Variants in RAD51B observed in about 807,000 individuals in gnomAD.
The protein encoded by RAD51B is DNA repair protein RAD51 homolog 2.
A neutral mutation model predicts 42.2 loss-of-function variants in RAD51B; 38 were observed. The ratio of observed to expected loss-of-function variants is 0.90; its 90% CI spans 0.70 to 1.18. The LOEUF (loss-of-function observed/expected upper bound fraction) is 1.18. RAD51B is among the 50% of genes most tolerant of loss of function. RAD51B has a pLI of 0.00. For missense variants in RAD51B, 373 were observed against 400.7 expected, an observed-to-expected ratio of 0.93 and a Z score of 0.59; for synonymous variants, 154 against 145.2, an observed-to-expected ratio of 1.06 and a Z score of -0.43.
At chr14:68,233,483 A>G (rs905025424) in intron 7 of RAD51B, among the ~76,000 whole-genome samples, 3 of 152,210 alleles carry the variant, frequency 2.0e-5, no homozygotes, top group African/African-American at 4.8e-5. Context: ...TGCTTTTATA[A>G]TAATTTAGTC....
At chr14:68,285,196 G>A (rs72727431) in intron 7 of RAD51B, among the ~76,000 whole-genome samples, 153 of 152,202 alleles carry the variant, frequency 1.0e-3, no homozygotes, top group Non-Finnish European at 2.0e-3. Context: ...GGAAAGTTCC[G>A]GTCTCTGTCT....
At chr14:67,859,417 A>G (rs1595015166) in intron 4 of RAD51B, among the ~76,000 whole-genome samples, 1 of 152,268 alleles carries the variant, frequency 6.6e-6, no homozygotes, top group East Asian at 1.9e-4. Context: ...GTAAAAATCA[A>G]CAACAATCTA....
intron 7 of RAD51B, among the ~76,000 whole-genome samples, chr14:68,272,661 ATATATTTTTTTTTTTTTTTTTT>A (rs2081138182): frequency 2.4e-4 from 4 of 16,874 alleles, no homozygotes; most frequent in African/African-American, 8.1e-4. Flanking sequence ...ATATATATAT[ATATATTTTTTTTTTTTTTTTTT>A]TTTTTTTTTT....
intron 8 of RAD51B, among the ~76,000 whole-genome samples, chr14:68,327,096 G>A (rs2082265592): frequency 6.6e-6 from 1 of 152,288 alleles, no homozygotes; most frequent in Middle Eastern, 3.4e-3. Context: ...ATCTAGAGGG[G>A]CACACAGGAA....
chr14:68,439,227 G>A (rs1388015137), intron 9 of RAD51B, among the ~76,000 whole-genome samples: 1 of 151,842 alleles, frequency 6.6e-6, no homozygotes, highest in Admixed American at 6.6e-5. Flanking sequence ...TTCCAGTGGT[G>A]TCCCAGGCAG....
intron 8 of RAD51B, among the ~76,000 whole-genome samples, chr14:68,299,152 C>A (rs565381347): frequency 2.0e-4 from 31 of 152,020 alleles, no homozygotes; most frequent in Admixed American, 1.1e-3. Flanking sequence ...AACCTTTATT[C>A]CATTTTCTCA....
At position 68,115,820 on chromosome 14, in the gene RAD51B, C is replaced by T. The variant is rs1010745104; in HGVS notation, c.757-176064C>T. ...AAAGTGGTTTCTTTGTCTTTACAGA[C>T]TAGCTCTGTGCATCACAGAGTGGGG... On this transcript the variant is annotated intron_variant, in intron 7 of 10. Coordinates refer to ENST00000471583, the MANE Select transcript of RAD51B (RefSeq NM_133510.4). Among the ~76,000 whole-genome samples, 3 of 152,148 alleles carry T rather than the reference C, an allele frequency of 2.0e-5. No individual in the cohort carries two copies. In the South Asian group the frequency reaches 6.2e-4, roughly 32 times the overall value.
In RAD51B at chr14:68,349,958, T is replaced by C. The variant is rs1245392913; in HGVS notation, c.853+57978T>C. 2.6e-5 allele frequency among the ~76,000 whole-genome samples: 4 copies of C among 152,184 alleles called. No homozygotes were observed. In the East Asian group the frequency reaches 7.7e-4, roughly 29 times the overall value. On this transcript the variant is annotated intron_variant, in intron 8 of 10. Transcript: ENST00000471583. ...CTTGTGTGTATTCTGCAGTTCAAAG[T>C]GTAGTCAGCAAAAAAAGCATACACG...
At chr14:68,325,392 A>C (rs916469452) in intron 8 of RAD51B, among the ~76,000 whole-genome samples, 6 of 152,206 alleles carry the variant, frequency 3.9e-5, no homozygotes, top group Non-Finnish European at 7.3e-5. Context: ...ATTTTTGTGA[A>C]GTCTGAACTG....
intron 10 of RAD51B, among the ~76,000 whole-genome samples, chr14:68,616,797 T>C (rs1891835785): frequency 6.6e-6 from 1 of 152,134 alleles, no homozygotes; most frequent in Admixed American, 6.6e-5. Flanking sequence ...GTTTTTGAAG[T>C]CTTCTTCCTC....
intron 7 of RAD51B, among the ~76,000 whole-genome samples, chr14:68,087,428 G>C (rs964629148): frequency 7.9e-5 from 12 of 152,046 alleles, no homozygotes; most frequent in African/African-American, 2.9e-4. Flanking sequence ...TTCCCATTAT[G>C]ATTCATCATG....
At chr14:68,434,335 C>T (rs928792465) in intron 9 of RAD51B, among the ~76,000 whole-genome samples, 5 of 152,166 alleles carry the variant, frequency 3.3e-5, no homozygotes, top group Non-Finnish European at 5.9e-5. Flanking sequence ...TGTCCTGCCC[C>T]CCAGAGGTGG....
intron 8 of RAD51B, among the ~76,000 whole-genome samples, chr14:68,301,592 G>GTTTTTTTTTTTTTTTTTTTT (rs139865933): frequency 4.6e-5 from 5 of 109,776 alleles, no homozygotes; most frequent in African/African-American, 1.7e-4. Context: ...TTGTTTGTGT[G>GTTTTTTTTTTTTTTTTTTTT]TTTTTTTTTT....
At chr14:68,031,111 T>G (rs2140370145) in intron 7 of RAD51B, among the ~76,000 whole-genome samples, 1 of 152,330 alleles carries the variant, frequency 6.6e-6, no homozygotes, top group East Asian at 1.9e-4. Flanking sequence ...CTGGGCAGTT[T>G]ACAAAAGAAA....
At chr14:68,111,387 A>G (rs1026325104) in intron 7 of RAD51B, among the ~76,000 whole-genome samples, 1 of 152,054 alleles carries the variant, frequency 6.6e-6, no homozygotes, top group African/African-American at 2.4e-5. Flanking sequence ...GCCAGGAATA[A>G]GTTTTCAGAA....
intron 10 of RAD51B, among the ~76,000 whole-genome samples, chr14:68,496,426 T>C (rs1457817717): frequency 1.3e-5 from 2 of 152,188 alleles, no homozygotes; most frequent in African/African-American, 4.8e-5. Context: ...TGTGCTTACT[T>C]GCCTGTAATG....
intron 10 of RAD51B, among the ~76,000 whole-genome samples, chr14:68,635,561 T>G (rs936469408): frequency 6.6e-6 from 1 of 151,712 alleles, no homozygotes; most frequent in Non-Finnish European, 1.5e-5. Context: ...ATATCATAGT[T>G]ATTTAATATA....
At chr14:67,968,069 C>G (rs965012373) in intron 7 of RAD51B, among the ~76,000 whole-genome samples, 1 of 152,222 alleles carries the variant, frequency 6.6e-6, no homozygotes, top group African/African-American at 2.4e-5. Context: ...CACATCGAAG[C>G]TACCAAGGTT....
At chr14:68,015,530 T>G (rs1367122608) in intron 7 of RAD51B, among the ~76,000 whole-genome samples, 1 of 152,180 alleles carries the variant, frequency 6.6e-6, no homozygotes, top group Non-Finnish European at 1.5e-5. Context: ...AGCAAAGTCA[T>G]GTCTTACATG....
Sources: gnomAD v4.1 joint callset for allele counts (sites outside exome capture counted in the v4.1 genomes callset) on GRCh38, gnomAD v4.1.1 for gene constraint, MANE v1.5 for transcripts, NCBI Gene and HGNC (gene_info 2026-07-23, HGNC 2026-07-21) for gene names.